The following DNAJC6 variants were observed in gnomAD, a reference collection of about 807,000 sequenced individuals.
DNAJC6 encodes DnaJ heat shock protein family (Hsp40) member C6, also known as auxilin.
DNAJC6 carries 34 observed loss-of-function variants against 110.0 expected under a neutral mutation model. The observed-to-expected ratio is 0.31, with a 90% CI of 0.24 to 0.41. The LOEUF is 0.41. Ranked by LOEUF, DNAJC6 falls within the 10% of genes least tolerant of loss-of-function variation. The pLI, the probability that DNAJC6 is intolerant of heterozygous loss-of-function variation, is 1.00. For missense variants in DNAJC6, 1,031 were observed against 1,207.8 expected, an observed-to-expected ratio of 0.85 and a Z score of 2.17; for synonymous variants, 406 against 437.2, an observed-to-expected ratio of 0.93 and a Z score of 0.89.
In DNAJC6 at chr1:65,302,078, GTATTATATA is replaced by G. The variant is rs1644984884; in HGVS notation, c.-131+37159_-131+37167del. On this transcript the variant is annotated intron_variant, in intron 1 of 19. Transcript: ENST00000263441. ...GAACTGTGGATTTTATATATAATAC[GTATTATATA>G]TATTATATATATAATATATAATATA... Among the ~76,000 whole-genome samples, 6 of 92,710 alleles carry G rather than the reference GTATTATATA, an allele frequency of 6.5e-5. No individual in the cohort carries two copies. The South Asian group carries it at 1.0e-3, about 16-fold the overall frequency. The allele number at this position is 92,710 out of a possible 152,430, so 60.8% of individuals were successfully genotyped here. A position where few individuals can be genotyped will look rare whatever the true frequency, so the allele number is the denominator to read the frequency against.
chr1:65,389,174 A>G, intron 9 of DNAJC6, 82 bp from the exon 10 acceptor site: 1 of 1,287,546 alleles, frequency 7.8e-7, no homozygotes. Flanking sequence ...CCTAAGAGTC[A>G]ACCTAAGATG....
chr1:65,281,338 T>C (rs2101187604), intron 1 of DNAJC6, among the ~76,000 whole-genome samples: 1 of 152,314 alleles, frequency 6.6e-6, no homozygotes, highest in Middle Eastern at 3.4e-3. Context: ...TCAGTGGTTT[T>C]TAGTATATTC....
chr1:65,297,186 TTGTC>T (rs1214312432), intron 1 of DNAJC6, among the ~76,000 whole-genome samples: 1 of 152,080 alleles, frequency 6.6e-6, no homozygotes, highest in East Asian at 1.9e-4. Flanking sequence ...ACAAAGCTCT[TTGTC>T]TGGACTTAGA....
intron 1 of DNAJC6, among the ~76,000 whole-genome samples, chr1:65,333,148 GTTTTTT>G (rs781432161): frequency 6.6e-6 from 1 of 151,838 alleles, no homozygotes; most frequent in Admixed American, 6.6e-5. Context: ...ACCAAGAAAT[GTTTTTT>G]TAAAAGCAAA....
intron 1 of DNAJC6, chr1:65,264,998 A>G: frequency 6.9e-7 from 1 of 1,454,126 alleles, no homozygotes; most frequent in Non-Finnish European, 9.6e-7. Flanking sequence ...TAGGGATGCG[A>G]TGTCACTCCA....
chr1:65,359,899 A>C (rs1645581945), intron 1 of DNAJC6, among the ~76,000 whole-genome samples: 1 of 152,206 alleles, frequency 6.6e-6, no homozygotes, highest in African/African-American at 2.4e-5. Context: ...GTTTCATGTT[A>C]TGAAATATCA....
At chr1:65,380,489 A>C (rs1645807098) in intron 5 of DNAJC6, among the ~76,000 whole-genome samples, 1 of 152,238 alleles carries the variant, frequency 6.6e-6, no homozygotes, top group African/African-American at 2.4e-5. Context: ...AACTCTTGGC[A>C]ATAAAGGGAT....
In DNAJC6 at chr1:65,364,056, T is replaced by C. The variant is rs950640646; in HGVS notation, c.194-579T>C. Reference sequence around the variant, plus strand: ...GAGGAGTGCCCTGGACTCACTGAAGTTGACTACTGCTCTTCCTCAGCAGTC... The same window carrying C: ...GAGGAGTGCCCTGGACTCACTGAAGCTGACTACTGCTCTTCCTCAGCAGTC... On this transcript the variant is annotated intron_variant, in intron 1 of 18. Coordinates refer to ENST00000371069, the MANE Select transcript of DNAJC6 (RefSeq NM_001256864.2). Among the ~76,000 whole-genome samples, 3 of 152,088 alleles carry C rather than the reference T, an allele frequency of 2.0e-5. No homozygotes were observed. In the East Asian group the frequency reaches 5.8e-4, roughly 29 times the overall value.
In DNAJC6 at chr1:65,412,992, A is replaced by G. The variant is rs137902143; in HGVS notation, c.2880A>G (p.Glu960=). ...TGGAGCTCAATGATGCCTGGTCTGA[A>G]TTTGAAAACCAAGGCCAAAAGCCCT... is the stretch of plus-strand genomic sequence containing the variant. ...IFMELNDAWS[E]FENQGQKPLY is the part of the protein sequence containing the mutation. The change falls in exon 19 of 19, where the codon GAA becomes GAG. Residue 960 remains glutamate, a synonymous_variant. Coordinates refer to ENST00000371069, the MANE Select transcript of DNAJC6 (RefSeq NM_001256864.2). 1.9e-6 allele frequency: 3 copies of G among 1,614,010 alleles called. No homozygotes were observed. The highest frequency in any genetic ancestry group is 2.5e-6 in the Non-Finnish European group (3 of 1,180,004).
intron 1 of DNAJC6, among the ~76,000 whole-genome samples, chr1:65,337,756 A>T (rs1046924228): frequency 8.5e-5 from 13 of 152,176 alleles, no homozygotes; most frequent in Admixed American, 6.6e-4. Context: ...ATATGGGAGG[A>T]TGTGTGTAGG....
At chr1:65,307,656 G>A (rs1645057316), upstream of DNAJC6, among the ~76,000 whole-genome samples, 3 of 152,134 alleles carry the variant, frequency 2.0e-5, no homozygotes, top group Admixed American at 2.0e-4. Flanking sequence ...TACTGTCCCT[G>A]TGTGTCTGTA....
Position 65,389,249 on chromosome 1 carries a change from T to A in DNAJC6, c.1194-7T>A. 6.2e-7 allele frequency: 1 copy of A among 1,610,864 alleles called. No homozygotes were observed. The highest frequency in any genetic ancestry group is 8.5e-7 in the Non-Finnish European group (1 of 1,178,122). On this transcript the variant is annotated splice_polypyrimidine_tract_variant and splice_region_variant and intron_variant, in intron 9 of 18. Transcript: ENST00000371069. ...ACTGAATTTATCTTTTTTAAATCCC[T>A]ATTTAGGCCTGAGTTAGATGCATGT...
intron 1 of DNAJC6, among the ~76,000 whole-genome samples, chr1:65,355,483 T>C (rs1214058317): frequency 2.0e-5 from 3 of 152,128 alleles, no homozygotes; most frequent in African/African-American, 7.2e-5. Context: ...GAGCCTTCCA[T>C]GGATGCTACA....
intron 1 of DNAJC6, among the ~76,000 whole-genome samples, chr1:65,269,255 C>G (rs1259659951): frequency 6.6e-6 from 1 of 151,816 alleles, no homozygotes; most frequent in Admixed American, 6.6e-5. Flanking sequence ...GTAATCCCAG[C>G]TACTGGGGAG....
intron 5 of DNAJC6, 172 bp downstream of exon 5, chr1:65,379,696 A>C: frequency 2.0e-6 from 2 of 998,466 alleles, no homozygotes; most frequent in Non-Finnish European, 2.9e-6. Flanking sequence ...ATTATTCTTG[A>C]CTTAAAGCTT....
chr1:65,380,905 T>G (rs1645811487), intron 5 of DNAJC6, among the ~76,000 whole-genome samples: 1 of 127,744 alleles, frequency 7.8e-6, no homozygotes, highest in East Asian at 2.3e-4. Context: ...TTTTTTTTTG[T>G]TTTTTGTTTT....
chr1:65,305,595 T>C (rs1425630385), upstream of DNAJC6, among the ~76,000 whole-genome samples: 4 of 152,196 alleles, frequency 2.6e-5, no homozygotes, highest in Non-Finnish European at 4.4e-5. Context: ...ACTCAATATC[T>C]AATGAGAGCG....
chr1:65,327,324 A>G (rs1645250188), intron 1 of DNAJC6, among the ~76,000 whole-genome samples: 1 of 152,226 alleles, frequency 6.6e-6, no homozygotes, highest in Admixed American at 6.5e-5. Flanking sequence ...GGATAAAGAA[A>G]CAAACTTAAA....
In DNAJC6 at chr1:65,411,409, G is replaced by C; in HGVS notation, c.2794G>C (p.Val932Leu). The C allele has an allele frequency of 6.2e-7, 1 of 1,613,958 alleles. No homozygotes were observed. Among genetic ancestry groups the C allele is most frequent in the Non-Finnish European group, 8.5e-7 (1 of 1,179,870 alleles). Residue 932 changes from valine (V) to leucine (L), a missense_variant, in exon 18 of 19, where the codon GTG (valine) becomes CTG (leucine). By Grantham distance (32) the Val-to-Leu change is conservative (BLOSUM62 1). Coordinates refer to ENST00000371069, the MANE Select transcript of DNAJC6 (RefSeq NM_001256864.2). ...VKKVYRKAVL[V>L]VHPDKATGQP... ...GAAGGTGTACAGGAAGGCTGTCCTG[G>C]TGGTGCACCCAGATAAAGTGGGTAT... is the stretch of plus-strand genomic sequence containing the variant.
Sources: allele counts gnomAD v4.1 joint callset (sites outside exome capture counted in the v4.1 genomes callset), GRCh38; gene constraint gnomAD v4.1.1; transcripts MANE v1.5; gene names NCBI Gene and HGNC (gene_info 2026-07-23, HGNC 2026-07-21).